Variants in XKRX observed in about 807,000 individuals in gnomAD.
The protein encoded by XKRX is XK related X-linked, also known as XK-related protein 2.
XKRX carries 11 observed loss-of-function variants against 22.4 expected under a neutral mutation model. The observed-to-expected ratio is 0.49, with a 90% CI of 0.31 to 0.81. The LOEUF (loss-of-function observed/expected upper bound fraction) is 0.81, where lower values mean the gene tolerates loss of function less well. XKRX is among the 40% of genes least tolerant of loss of function. The pLI is 0.05. For missense variants in XKRX, 320 were observed against 336.5 expected, an observed-to-expected ratio of 0.95 and a Z score of 0.38; for synonymous variants, 114 against 132.2, an observed-to-expected ratio of 0.86 and a Z score of 0.94.
the XKRX span, chrX:100,957,635 C>A: frequency 2.1e-6 from 1 of 478,192 alleles, no homozygotes; most frequent in Non-Finnish European, 3.5e-6. Context: ...TTGGAGAAGA[C>A]ATGTTTATTT....
the XKRX span, among the ~76,000 whole-genome samples, chrX:100,950,404 TAATA>T: frequency 8.9e-6 from 1 of 112,308 alleles, no homozygotes; most frequent in Admixed American, 9.5e-5. Context: ...AAGCAAAAAC[TAATA>T]GATAGGAAAG....
chrX:100,958,490 C>A, the XKRX span, among the ~76,000 whole-genome samples: 2 of 111,826 alleles, frequency 1.8e-5, no homozygotes, highest in Non-Finnish European at 3.8e-5. Flanking sequence ...ATATATGCTA[C>A]ATTTGTATTT....
At position 100,919,224 on chromosome X, in the gene XKRX, A is replaced by T. The variant is rs1383369719; in HGVS notation, c.604+3569T>A. 2.7e-5 allele frequency among the ~76,000 whole-genome samples: 3 copies of T among 111,755 alleles called. No homozygotes were observed. In the Admixed American group the frequency reaches 2.9e-4, roughly 11 times the overall value. ...ATTATTTTGCTTTGTTTTTTGTAGG[A>T]TGAATTAAAAAATTATCTTGAAAAT... On this transcript the variant is annotated intron_variant, in intron 2 of 2. Coordinates refer to ENST00000372956, the MANE Select transcript of XKRX (RefSeq NM_212559.3).
chrX:100,918,993 C>A (rs2085458715), intron 2 of XKRX, among the ~76,000 whole-genome samples: 1 of 111,294 alleles, frequency 9.0e-6, no homozygotes, highest in Admixed American at 9.7e-5. Flanking sequence ...AGACTCATAG[C>A]AAGAAAACTA....
At chrX:100,921,134 G>A (rs747407348) in intron 2 of XKRX, among the ~76,000 whole-genome samples, 1 of 111,744 alleles carries the variant, frequency 8.9e-6, no homozygotes, top group East Asian at 2.8e-4. Flanking sequence ...CTGACCTCAG[G>A]TGATCCACCT....
At chrX:100,900,820 T>C in the XKRX span, among the ~76,000 whole-genome samples, 39 of 100,654 alleles carry the variant, frequency 3.9e-4, no homozygotes, top group East Asian at 2.8e-3. Context: ...GACAGAGTCT[T>C]GTTCTGTCGC....
chrX:100,957,409 G>A, the XKRX span: 13 of 1,204,591 alleles, frequency 1.1e-5, no homozygotes, highest in Admixed American at 2.2e-5. Flanking sequence ...GAGCAGTACC[G>A]CATGTGCATC....
rs1354469682 is a variant in XKRX at position 100,914,897 on chromosome X, G to A, written c.791C>T (p.Thr264Ile). ...RLLILVLFSA[T>I]LKLKAVPFLV... ...GAAGGGCACAGCCTTCAATTTCAAA[G>A]TGGCTGAGAAGAGCACCAGAATCAG... The change falls in exon 3 of 3, where the codon ACT becomes ATT. Residue 264 changes from threonine (T) to isoleucine (I), a missense_variant. Coordinates refer to ENST00000372956, the MANE Select transcript of XKRX (RefSeq NM_212559.3). 2 of 1,209,954 alleles carry A rather than the reference G, an allele frequency of 1.7e-6. No individual in the cohort carries two copies. Among genetic ancestry groups the A allele is most frequent in the African/African-American group, 3.5e-5 (2 of 57,135 alleles).
the XKRX span, among the ~76,000 whole-genome samples, chrX:100,939,683 A>T: frequency 8.9e-6 from 1 of 112,165 alleles, no homozygotes; most frequent in Admixed American, 9.5e-5. Context: ...GGATCAGCTG[A>T]CACCAGGCCA....
At chrX:100,893,299 T>C in the XKRX span, among the ~76,000 whole-genome samples, 1 of 111,660 alleles carries the variant, frequency 9.0e-6, no homozygotes, top group Non-Finnish European at 1.9e-5. Flanking sequence ...ACTTGAAAAT[T>C]GCTAAGAGAG....
At chrX:100,920,670 C>G (rs1343576727) in intron 2 of XKRX, among the ~76,000 whole-genome samples, 1 of 112,496 alleles carries the variant, frequency 8.9e-6, no homozygotes, top group African/African-American at 3.2e-5. Flanking sequence ...ATTCCCACTC[C>G]GCAGAGGTAG....
At chrX:100,958,839 C>T in the XKRX span, among the ~76,000 whole-genome samples, 1 of 111,839 alleles carries the variant, frequency 8.9e-6, no homozygotes, top group Non-Finnish European at 1.9e-5. Context: ...ATGTTGAATT[C>T]TATTAGTATG....
the XKRX span, among the ~76,000 whole-genome samples, chrX:100,889,117 G>A: frequency 9.3e-6 from 1 of 107,978 alleles, no homozygotes; most frequent in Non-Finnish European, 1.9e-5. Context: ...GTGCGTGCCT[G>A]TAGTCCCAGC....
the XKRX span, among the ~76,000 whole-genome samples, chrX:100,934,720 C>T: frequency 8.9e-6 from 1 of 111,896 alleles, no homozygotes; most frequent in Non-Finnish European, 1.9e-5. Context: ...TTTCAGTTCA[C>T]TTGGGTACAT....
At chrX:100,935,861 T>C in the XKRX span, among the ~76,000 whole-genome samples, 1 of 111,435 alleles carries the variant, frequency 9.0e-6, no homozygotes, top group Non-Finnish European at 1.9e-5. Flanking sequence ...GCAGTTAGAG[T>C]GGTGGTGGTA....
At chrX:100,939,238 G>A in the XKRX span, among the ~76,000 whole-genome samples, 1 of 111,640 alleles carries the variant, frequency 9.0e-6, no homozygotes, top group Admixed American at 9.6e-5. Context: ...CTAGGGAGAT[G>A]GCAGGGAATA....
chrX:100,918,799 C>G (rs2085457761), intron 2 of XKRX, among the ~76,000 whole-genome samples: 1 of 110,971 alleles, frequency 9.0e-6, no homozygotes, highest in Admixed American at 9.7e-5. Context: ...TTCCCTTCTT[C>G]CTTTCCTTTT....
At chrX:100,895,443 G>A in the XKRX span, among the ~76,000 whole-genome samples, 95 of 112,367 alleles carry the variant, frequency 8.5e-4, no homozygotes, top group Non-Finnish European at 8.6e-4. Context: ...ATTATGAACA[G>A]TATACATTGC....
upstream of XKRX, chrX:100,929,381 T>C (rs2147945295): frequency 9.0e-6 from 1 of 111,399 alleles, no homozygotes; most frequent in Admixed American, 9.5e-5. Flanking sequence ...TGGGCCGCTC[T>C]TCAGAAGCAC....
Sources: gnomAD v4.1 joint callset for allele counts (sites outside exome capture counted in the v4.1 genomes callset) on GRCh38, gnomAD v4.1.1 for gene constraint, MANE v1.5 for transcripts, NCBI Gene and HGNC (gene_info 2026-07-23, HGNC 2026-07-21) for gene names.